Variants in DNPH1 observed in about 807,000 individuals in gnomAD.
DNPH1 encodes 5-hydroxymethyl-dUMP N-hydrolase.
A neutral mutation model predicts 15.7 loss-of-function variants in DNPH1; 18 were observed. The ratio of observed to expected loss-of-function variants is 1.15; its 90% CI spans 0.79 to 1.70. The LOEUF is 1.70. Among genes scored for constraint, DNPH1 ranks in the 40% most tolerant of loss-of-function variants. The pLI is 0.00. For synonymous variants in DNPH1, 114 were observed against 107.9 expected, an observed-to-expected ratio of 1.06 and a Z score of -0.35; for missense variants, 262 against 255.2, an observed-to-expected ratio of 1.03 and a Z score of -0.18.
At chr6:43,229,037 T>C in intron 1 of DNPH1, 1 of 457,082 alleles carries the variant, frequency 2.2e-6, no homozygotes, top group Non-Finnish European at 4.1e-6. Context: ...AAGATAATGC[T>C]GAGTCTGCCT....
At chr6:43,228,685 G>A (rs1379986242) in intron 1 of DNPH1, among the ~76,000 whole-genome samples, 2 of 152,004 alleles carry the variant, frequency 1.3e-5, no homozygotes, top group African/African-American at 2.4e-5. Context: ...AAGTAGCCGG[G>A]TGTGGTGACG....
chr6:43,228,667 A>C (rs1045335893), intron 1 of DNPH1, among the ~76,000 whole-genome samples: 1 of 152,026 alleles, frequency 6.6e-6, no homozygotes, highest in Non-Finnish European at 1.5e-5. Flanking sequence ...CTCTACTAAA[A>C]ATACAAAAAG....
intron 1 of DNPH1, among the ~76,000 whole-genome samples, chr6:43,228,325 T>C (rs970839959): frequency 4.6e-5 from 7 of 151,868 alleles, no homozygotes; most frequent in Non-Finnish European, 1.5e-5. Flanking sequence ...CATGGTGTCG[T>C]GCCCCTGCAG....
intron 1 of DNPH1, 74 bp downstream of exon 1, chr6:43,229,187 G>C: frequency 7.8e-7 from 1 of 1,276,188 alleles, no homozygotes; most frequent in South Asian, 1.8e-5. Flanking sequence ...TCGGGGGGGC[G>C]GACAGGCCGG....
Position 43,226,056 on chromosome 6 carries a change from A to G in DNPH1, c.353T>C (p.Leu118Pro), listed in dbSNP as rs189641318. The G allele has an allele frequency of 1.2e-6, 2 of 1,613,876 alleles. No homozygotes were observed. Among genetic ancestry groups the G allele is most frequent in the Non-Finnish European group, 1.7e-6 (2 of 1,179,964 alleles). Residue 118 changes from leucine to proline, a missense_variant, in exon 3 of 4, where the codon CTG becomes CCG. Physicochemically the swap from Leu to Pro is moderately conservative, Grantham distance 98. Coordinates refer to ENST00000230431, the MANE Select transcript of DNPH1 (RefSeq NM_006443.3). The surrounding 1 kb of genome is among the most constrained non-coding windows in gnomAD (Gnocchi z 4.1). Reference sequence around the variant, plus strand: ...ACCGCGGCCAGACTGCGGGCGGAACAGGCACAGGATCCGCTTGTTAAAGGC... The same window carrying G: ...ACCGCGGCCAGACTGCGGGCGGAACGGGCACAGGATCCGCTTGTTAAAGGC... ...AVAFNKRILC[L>P]FRPQSGRVLS...
At chr6:43,229,183 G>C (rs1265569070) in intron 1 of DNPH1, 78 bp downstream of exon 1, 1 of 1,268,730 alleles carries the variant, frequency 7.9e-7, no homozygotes, top group South Asian at 1.8e-5. Context: ...GGGGTCGGGG[G>C]GGCGGACAGG....
Position 43,229,458 on chromosome 6 carries a change from C to T in DNPH1, c.-2G>A, listed in dbSNP as rs770630065. 31 of 1,295,590 alleles carry T rather than the reference C, an allele frequency of 2.4e-5. 1 individual carries two copies. Among genetic ancestry groups the T allele is most frequent in the African/African-American group, 2.2e-4 (14 of 64,814 alleles). The allele number at this position is 1,295,590 out of a possible 1,614,324, so 80.3% of individuals were successfully genotyped here. ...CCCCGGCACCATGGCAGCAGCCATTCCCCAGCCGCCCGCGCTCTCCGGCGC... is the reference window on the plus strand; with the variant it reads ...CCCCGGCACCATGGCAGCAGCCATTTCCCAGCCGCCCGCGCTCTCCGGCGC... On this transcript the variant is annotated 5_prime_UTR_variant, in exon 1 of 4. Coordinates refer to ENST00000230431, the MANE Select transcript of DNPH1 (RefSeq NM_006443.3).
chr6:43,226,390 C>A lies in DNPH1; in HGVS notation c.202G>T (p.Glu68Ter). Residue 68 changes from glutamate to a stop codon, truncating the protein, a stop_gained, in exon 2 of 4, where the codon GAG (glutamate) becomes TAG (stop). Coordinates refer to ENST00000230431, the MANE Select transcript of DNPH1 (RefSeq NM_006443.3). LOFTEE classifies it high-confidence loss of function. The surrounding 1 kb of genome is among the most constrained non-coding windows in gnomAD (Gnocchi z 4.1). ...AAAELGARGE[E>*]AAGGDRLIHE... ...ATGAGCCTGTCACCCCCAGCAGCCT[C>A]TTCCCCTGTGTTGAGGGAAAGCTGG... 6.2e-7 allele frequency: 1 copy of A among 1,612,218 alleles called. No homozygotes were observed. Among genetic ancestry groups the A allele is most frequent in the Non-Finnish European group, 8.5e-7 (1 of 1,179,766 alleles).
At chr6:43,229,115 G>A in intron 1 of DNPH1, 146 bp downstream of exon 1, 3 of 872,046 alleles carry the variant, frequency 3.4e-6, no homozygotes, top group South Asian at 1.5e-5. Flanking sequence ...GGGCTGGGGC[G>A]CTGGATGGAG....
In DNPH1 at chr6:43,226,214, G is replaced by T; in HGVS notation, c.266-71C>A. ...GGTTCATAAGGAAGACGACGGTGTG[G>T]CTGTGGTGAGGAGGGAACTCTGGGA... is the stretch of plus-strand genomic sequence containing the variant. On this transcript the variant is annotated intron_variant, in intron 2 of 3. Transcript: ENST00000230431. The surrounding 1 kb of genome is among the most constrained non-coding windows in gnomAD (Gnocchi z 4.1). 6.2e-7 allele frequency: 1 copy of T among 1,602,838 alleles called. No individual in the cohort carries two copies. The highest frequency in any genetic ancestry group is 8.5e-7 in the Non-Finnish European group (1 of 1,175,836).
chr6:43,228,361 G>A (rs779711497), intron 1 of DNPH1, among the ~76,000 whole-genome samples: 6 of 152,070 alleles, frequency 3.9e-5, no homozygotes, highest in Non-Finnish European at 7.4e-5. Flanking sequence ...GGCTGAGGCT[G>A]GAGGATCATG....
chr6:43,225,813 C>T lies in DNPH1; in HGVS notation c.445G>A (p.Glu149Lys), dbSNP rs1776719014. Reference protein sequence around the residue: ...RFQVWDYEEGEVEALLDRYFE... With the variant: ...RFQVWDYEEGKVEALLDRYFE... ...TATCGATCCAGCAGGGCCTCCACCTCTCCCTCCTCATAGTCCCACACCTGG... is the reference window on the plus strand; with the variant it reads ...TATCGATCCAGCAGGGCCTCCACCTTTCCCTCCTCATAGTCCCACACCTGG... The change falls in exon 4 of 4, where the codon GAG (glutamate) becomes AAG (lysine). Residue 149 changes from glutamate to lysine, a missense_variant. Physicochemically the swap from Glu to Lys is moderately conservative, Grantham distance 56 (BLOSUM62 1). Coordinates refer to ENST00000230431, the MANE Select transcript of DNPH1 (RefSeq NM_006443.3). 1.9e-6 allele frequency: 3 copies of T among 1,614,240 alleles called. No individual in the cohort carries two copies. Among genetic ancestry groups the T allele is most frequent in the Non-Finnish European group, 2.5e-6 (3 of 1,180,050 alleles).
At chr6:43,229,043 T>C in intron 1 of DNPH1, 1 of 469,838 alleles carries the variant, frequency 2.1e-6, no homozygotes, top group South Asian at 1.7e-5. Flanking sequence ...ATGCTGAGTC[T>C]GCCTTACACC....
At chr6:43,228,790 C>T (rs965661421) in intron 1 of DNPH1, among the ~76,000 whole-genome samples, 2 of 151,878 alleles carry the variant, frequency 1.3e-5, no homozygotes, top group African/African-American at 4.9e-5. Flanking sequence ...CACGCAACTG[C>T]ACTCCAGCCT....
Position 43,226,455 on chromosome 6 carries a change from G to T in DNPH1, c.197-60C>A. 6.7e-7 allele frequency: 1 copy of T among 1,503,102 alleles called. No individual in the cohort carries two copies. Among genetic ancestry groups the T allele is most frequent in the Non-Finnish European group, 9.0e-7 (1 of 1,109,624 alleles). 93.1% of individuals were successfully genotyped at this position (1,503,102 alleles called of 1,614,324 possible). A position where few individuals can be genotyped will look rare whatever the true frequency, so the allele number is the denominator to read the frequency against. On this transcript the variant is annotated intron_variant, in intron 1 of 3. Coordinates refer to ENST00000230431, the MANE Select transcript of DNPH1 (RefSeq NM_006443.3). The surrounding 1 kb of genome is among the most constrained non-coding windows in gnomAD (Gnocchi z 4.1). ...CATGCTGGCTCCCAGTAACTCCTAT[G>T]CCCTTGTATGTCCATACCCACCCTG...
chr6:43,228,491 G>C (rs1776775730), intron 1 of DNPH1, among the ~76,000 whole-genome samples: 1 of 151,342 alleles, frequency 6.6e-6, no homozygotes, highest in Admixed American at 6.6e-5. Context: ...GTGAGAACTG[G>C]GGTCAGCCAG....
chr6:43,225,668 T>C lies in DNPH1; in HGVS notation c.*65A>G. Reference sequence around the variant, plus strand: ...GTACCTTTTAATTTGCTCCTGGGGCTAAGAGGAAGGAATGGTACTAGAGCA... The same window carrying C: ...GTACCTTTTAATTTGCTCCTGGGGCCAAGAGGAAGGAATGGTACTAGAGCA... On this transcript the variant is annotated 3_prime_UTR_variant, in exon 4 of 4. Transcript: ENST00000230431. The C allele has an allele frequency of 6.3e-7, 1 of 1,583,812 alleles. No homozygotes were observed. Among genetic ancestry groups the C allele is most frequent in the East Asian group, 2.2e-5 (1 of 44,540 alleles).
Position 43,229,324 on chromosome 6 carries a change from G to A in DNPH1, c.133C>T (p.Arg45Trp), listed in dbSNP as rs1308570024. ...AGCACTGTCCCGAATCGCCGCAGCC[G>A]AGACACGATCCGCTCGTACAGCGTC... ...DRTLYERIVS[R>W]LRRFGTVLTE... Residue 45 changes from arginine (R) to tryptophan (W), a missense_variant, in exon 1 of 4, where the codon CGG becomes TGG. Coordinates refer to ENST00000230431, the MANE Select transcript of DNPH1 (RefSeq NM_006443.3). 1 of 1,490,308 alleles carries A rather than the reference G, an allele frequency of 6.7e-7. No homozygotes were observed. Among genetic ancestry groups the A allele is most frequent in the Non-Finnish European group, 8.9e-7 (1 of 1,123,298 alleles). The allele number at this position is 1,490,308 out of a possible 1,614,324, so 92.3% of individuals were successfully genotyped here.
In DNPH1 at chr6:43,226,274, G is replaced by A; in HGVS notation, c.265+53C>T. 6.2e-7 allele frequency: 1 copy of A among 1,603,768 alleles called. No individual in the cohort carries two copies. Among genetic ancestry groups the A allele is most frequent in the Non-Finnish European group, 8.5e-7 (1 of 1,175,650 alleles). On this transcript the variant is annotated intron_variant, in intron 2 of 3. Transcript: ENST00000230431. This position sits in a 1 kb window ranked among gnomAD's most constrained non-coding sequence, Gnocchi z 4.1. ...AGGTGTGGAGGCTGGGATGTCCAGG[G>A]GAACCCAGCACTCCAGAGGAGTTAG...
Sources: gnomAD v4.1 joint callset for allele counts (sites outside exome capture counted in the v4.1 genomes callset) on GRCh38, gnomAD v4.1.1 for gene constraint, Gnocchi (gnomAD v3.1) non-coding constraint, MANE v1.5 for transcripts, NCBI Gene and HGNC (gene_info 2026-07-23, HGNC 2026-07-21) for gene names.